Variants in IQGAP1 observed in about 807,000 individuals in gnomAD.
IQGAP1 encodes IQ motif containing GTPase activating protein 1.
IQGAP1 carries 66 observed loss-of-function variants against 215.6 expected under a neutral mutation model. That is an observed-to-expected ratio of 0.31 (90% CI 0.25 to 0.38). The LOEUF is 0.38. Ranked by LOEUF, IQGAP1 falls within the 10% of genes least tolerant of loss-of-function variation. The pLI, the probability that IQGAP1 is intolerant of heterozygous loss-of-function variation, is 1.00. For synonymous variants in IQGAP1, 772 were observed against 728.7 expected, an observed-to-expected ratio of 1.06 and a Z score of -0.96; for missense variants, 1,712 against 1,997.1, an observed-to-expected ratio of 0.86 and a Z score of 2.72.
At chr15:90,394,161 A>AGGG (rs1555433860) in intron 2 of IQGAP1, among the ~76,000 whole-genome samples, 1 of 134,122 alleles carries the variant, frequency 7.5e-6, no homozygotes, top group Non-Finnish European at 1.6e-5. Flanking sequence ...AAAAAAAGGC[A>AGGG]GTGGAGACAT....
At chr15:90,405,168 C>T (rs1964860123) in intron 2 of IQGAP1, among the ~76,000 whole-genome samples, 1 of 152,082 alleles carries the variant, frequency 6.6e-6, no homozygotes, top group Non-Finnish European at 1.5e-5. Flanking sequence ...TGAGTCTTAG[C>T]AGTGTCTTAG....
chr15:90,472,726 G>GTA (rs1965922826), intron 18 of IQGAP1, 114 bp from the exon 19 acceptor site: 1 of 987,562 alleles, frequency 1.0e-6, no homozygotes, highest in African/African-American at 1.6e-5. Flanking sequence ...TAATGATCTA[G>GTA]TATAGACTTA....
intron 18 of IQGAP1, among the ~76,000 whole-genome samples, chr15:90,472,338 A>G (rs1487321295): frequency 6.6e-6 from 1 of 152,210 alleles, no homozygotes; most frequent in Non-Finnish European, 1.5e-5. Flanking sequence ...CTGGCTGTCC[A>G]GTATCTTTAG....
intron 4 of IQGAP1, among the ~76,000 whole-genome samples, chr15:90,432,803 A>T (rs1023475913): frequency 5.3e-5 from 8 of 152,026 alleles, no homozygotes; most frequent in Non-Finnish European, 1.0e-4. Context: ...TCACCTCATT[A>T]TTCAGTCTTT....
At chr15:90,389,369 G>A (rs1392597148) in intron 1 of IQGAP1, among the ~76,000 whole-genome samples, 4 of 147,024 alleles carry the variant, frequency 2.7e-5, no homozygotes, top group Admixed American at 2.1e-4. Context: ...TGGAGACAGG[G>A]GGTCTTGCTC....
At chr15:90,487,643 T>A (rs1966145698) in intron 33 of IQGAP1, 61 bp downstream of exon 33, 2 of 1,154,422 alleles carry the variant, frequency 1.7e-6, no homozygotes, top group South Asian at 2.6e-5. Context: ...GATAGGCGCA[T>A]GTCAGAGAAA....
intron 26 of IQGAP1, among the ~76,000 whole-genome samples, chr15:90,480,032 A>G (rs1966035087): frequency 6.6e-6 from 1 of 151,920 alleles, no homozygotes; most frequent in African/African-American, 2.4e-5. Flanking sequence ...CCCGCTGGAC[A>G]TTTCAGGATT....
At chr15:90,408,081 A>G (rs555876572) in intron 2 of IQGAP1, among the ~76,000 whole-genome samples, 1 of 152,288 alleles carries the variant, frequency 6.6e-6, no homozygotes, top group African/African-American at 2.4e-5. Flanking sequence ...TTTCCCTTTC[A>G]AGGGAAAGCA....
At position 90,487,483 on chromosome 15, in the gene IQGAP1, A is replaced by G; in HGVS notation, c.4161-12A>G. On this transcript the variant is annotated splice_polypyrimidine_tract_variant and intron_variant, in intron 32 of 37. Transcript: ENST00000268182. ...CTGGTAATATTTAAATGCCTCCCCCATCTCGTTTCAGTACAAAACGTTTAA... is the reference window on the plus strand; with the variant it reads ...CTGGTAATATTTAAATGCCTCCCCCGTCTCGTTTCAGTACAAAACGTTTAA... The G allele has an allele frequency of 6.2e-7, 1 of 1,602,202 alleles. No homozygotes were observed. The highest frequency in any genetic ancestry group is 1.1e-5 in the South Asian group (1 of 90,820).
intron 7 of IQGAP1, 102 bp from the exon 8 acceptor site, chr15:90,441,404 C>T: frequency 2.0e-6 from 2 of 990,698 alleles, no homozygotes; most frequent in Non-Finnish European, 3.0e-6. Context: ...GAGCCTCTGT[C>T]TCTAATGGGG....
chr15:90,469,978 C>G (rs973431360), intron 18 of IQGAP1, among the ~76,000 whole-genome samples: 1 of 151,816 alleles, frequency 6.6e-6, no homozygotes, highest in Non-Finnish European at 1.5e-5. Context: ...ATTCAGGGTA[C>G]AACTTCTAGC....
intron 36 of IQGAP1, 144 bp from the exon 37 acceptor site, chr15:90,497,088 T>A: frequency 1.7e-6 from 1 of 589,090 alleles, no homozygotes; most frequent in Non-Finnish European, 3.1e-6. Flanking sequence ...TCTGTGCTGC[T>A]TCAGCTGCAG....
chr15:90,454,160 T>G (rs927665485), intron 13 of IQGAP1, among the ~76,000 whole-genome samples: 7 of 152,266 alleles, frequency 4.6e-5, no homozygotes, highest in Non-Finnish European at 1.0e-4. Context: ...AGCTCATGTG[T>G]AGCCTTTTTT....
intron 23 of IQGAP1, chr15:90,475,785 A>G (rs1236825959): frequency 6.6e-6 from 1 of 151,292 alleles, no homozygotes. Flanking sequence ...ATTATTTAAG[A>G]CATAAAACAA....
chr15:90,490,642 T>C (rs909315752), intron 33 of IQGAP1, among the ~76,000 whole-genome samples: 1 of 152,186 alleles, frequency 6.6e-6, no homozygotes, highest in Non-Finnish European at 1.5e-5. Flanking sequence ...AGTATAGTTA[T>C]AACATTTATA....
intron 1 of IQGAP1, among the ~76,000 whole-genome samples, chr15:90,389,820 G>C (rs1302000538): frequency 6.6e-6 from 1 of 151,674 alleles, no homozygotes; most frequent in African/African-American, 2.4e-5. Flanking sequence ...AGCCAGGCGT[G>C]GTGGCCCATG....
Position 90,439,405 on chromosome 15 carries a change from G to A in IQGAP1, c.535+6G>A. On this transcript the variant is annotated splice_donor_region_variant and intron_variant, in intron 6 of 37. Transcript: ENST00000268182. The stretch of plus-strand genomic sequence containing the variant: ...TGGAAAGGTTGACTTCACAGGTAAG[G>A]AGTTAGATACTTGGCAGGAAATGCT... 6.2e-7 allele frequency: 1 copy of A among 1,609,414 alleles called. No homozygotes were observed. Among genetic ancestry groups the A allele is most frequent in the Non-Finnish European group, 8.5e-7 (1 of 1,176,384 alleles).
At chr15:90,438,686 A>C (rs904628616) in intron 5 of IQGAP1, among the ~76,000 whole-genome samples, 21 of 152,298 alleles carry the variant, frequency 1.4e-4, no homozygotes, top group African/African-American at 5.1e-4. Flanking sequence ...GAAGGCAAAC[A>C]AATGAAGAGA....
chr15:90,388,377 G>A lies in IQGAP1; in HGVS notation c.36G>A (p.Val12=), dbSNP rs376149465. The change falls in exon 1 of 38, where the codon GTG becomes GTA. Residue 12 remains valine, a synonymous_variant. Transcript: ENST00000268182. ...SAADEVDGLG[V]ARPHYGSVLD... The stretch of plus-strand genomic sequence containing the variant: ...CAGACGAGGTTGACGGGCTGGGCGT[G>A]GCCCGGCCGCACTATGGCTGTGAGT... 2 of 1,591,476 alleles carry A rather than the reference G, an allele frequency of 1.3e-6. No individual in the cohort carries two copies. The highest frequency in any genetic ancestry group is 1.7e-6 in the Non-Finnish European group (2 of 1,170,836).
Sources: gnomAD v4.1 joint callset for allele counts (sites outside exome capture counted in the v4.1 genomes callset) on GRCh38, gnomAD v4.1.1 for gene constraint, MANE v1.5 for transcripts, NCBI Gene and HGNC (gene_info 2026-07-23, HGNC 2026-07-21) for gene names.